IARS2: variants seen among roughly 807,000 people sequenced by gnomAD.
IARS2 encodes isoleucyl-tRNA synthetase 2, mitochondrial, also known as isoleucine--tRNA ligase, mitochondrial.
Under a neutral mutation model 126.3 loss-of-function variants are expected in IARS2, and 56 were observed. That is an observed-to-expected ratio of 0.44 (90% confidence interval 0.36 to 0.55). IARS2 has a LOEUF of 0.55. IARS2 is among the 20% of genes least tolerant of loss of function. The pLI is 0.00. For missense variants in IARS2, 1,127 were observed against 1,245.9 expected, an observed-to-expected ratio of 0.90 and a Z score of 1.44; for synonymous variants, 407 against 441.1, an observed-to-expected ratio of 0.92 and a Z score of 0.97.
At chr1:220,140,440 A>G (rs527712063) in intron 19 of IARS2, 151 bp downstream of exon 19, 3 of 578,300 alleles carry the variant, frequency 5.2e-6, no homozygotes, top group South Asian at 4.2e-5. Context: ...TTAGCCGGGC[A>G]TGGTGGCACA....
chr1:220,145,700 A>C, intron 22 of IARS2, 47 bp downstream of exon 22: 2 of 1,503,514 alleles, frequency 1.3e-6, no homozygotes, highest in Non-Finnish European at 1.8e-6. Context: ...GAATTGAATA[A>C]TTATAGGTCA....
rs759848681 is a variant in IARS2, at chr1:220,140,234, C to A, written c.2359C>A (p.Arg787=). The part of the protein sequence containing the change: ...YDFGKVVRLL[R]TFYTRELSNF... ...TTTTGGAAAAGTTGTTCGGCTGTTA[C>A]GGACGTTTTATACCAGAGAGCTCTC... is the stretch of plus-strand genomic sequence containing the variant. Residue 787 remains arginine (R), a synonymous_variant, in exon 19 of 23, where the codon CGG becomes AGG. Coordinates refer to ENST00000366922, the MANE Select transcript of IARS2 (RefSeq NM_018060.4). The A allele has an allele frequency of 2.5e-6, 4 of 1,612,940 alleles. No individual in the cohort carries two copies. The East Asian group carries it at 8.9e-5, about 36-fold the overall frequency.
intron 2 of IARS2, among the ~76,000 whole-genome samples, chr1:220,100,058 C>T (rs535275641): frequency 3.2e-4 from 48 of 152,240 alleles, no homozygotes; most frequent in African/African-American, 1.1e-3. Context: ...CTCCATTCAA[C>T]TATAGTAATA....
intron 7 of IARS2, among the ~76,000 whole-genome samples, chr1:220,103,065 G>A (rs567027071): frequency 6.6e-6 from 1 of 151,282 alleles, no homozygotes; most frequent in Non-Finnish European, 1.5e-5. Context: ...TGGAGACCGA[G>A]TTTTGCCTTT....
chr1:220,141,859 T>C lies in IARS2; in HGVS notation c.2471T>C (p.Val824Ala). The change falls in exon 20 of 23, where the codon GTT (valine) becomes GCT (alanine). Residue 824 changes from valine (V) to alanine (A), a missense_variant. Transcript: ENST00000366922. The part of the protein sequence containing the change: ...PKRRSCQTAL[V>A]EILDVIVRSF... ...CGACGCTCTTGTCAGACTGCATTAG[T>C]TGAAATTTTGGATGTAATAGTTCGT... 6.2e-7 allele frequency: 1 copy of C among 1,614,176 alleles called. No homozygotes were observed. Among genetic ancestry groups the C allele is most frequent in the Non-Finnish European group, 8.5e-7 (1 of 1,180,022 alleles).
intron 14 of IARS2, among the ~76,000 whole-genome samples, chr1:220,129,074 G>T (rs1657210049): frequency 6.6e-6 from 1 of 151,858 alleles, no homozygotes; most frequent in Non-Finnish European, 1.5e-5. Flanking sequence ...GTAGAGAAGG[G>T]GTTTCACCGT....
intron 8 of IARS2, among the ~76,000 whole-genome samples, chr1:220,103,897 G>A (rs1053718559): frequency 2.0e-5 from 3 of 152,026 alleles, no homozygotes; most frequent in African/African-American, 7.2e-5. Flanking sequence ...CTTATTTTTC[G>A]ATACATAATT....
At chr1:220,110,650 C>T in intron 10 of IARS2, 136 bp from the exon 11 acceptor site, 1 of 661,220 alleles carries the variant, frequency 1.5e-6, no homozygotes, top group Non-Finnish European at 2.6e-6. Context: ...AGGTGTGAGC[C>T]ACTGTGGCTG....
intron 21 of IARS2, among the ~76,000 whole-genome samples, chr1:220,143,602 A>G (rs921240950): frequency 2.0e-5 from 3 of 152,210 alleles, no homozygotes; most frequent in Admixed American, 1.3e-4. Flanking sequence ...CTTTGAATGT[A>G]TAAAAAATGG....
Position 220,114,483 on chromosome 1 carries a change from C to G in IARS2, c.1640+9C>G. 1 of 1,585,888 alleles carries G rather than the reference C, an allele frequency of 6.3e-7. No homozygotes were observed. Among genetic ancestry groups the G allele is most frequent in the Non-Finnish European group, 8.5e-7 (1 of 1,170,506 alleles). ...GAATACTTGATCAACAGGTAGAATG[C>G]TTTCTAAAATTTTTTAGTGTTTTAA... On this transcript the variant is annotated intron_variant, in intron 12 of 22. Transcript: ENST00000366922.
At chr1:220,117,817 T>C (rs1558124913) in intron 12 of IARS2, 1 of 508,758 alleles carries the variant, frequency 2.0e-6, no homozygotes, top group Non-Finnish European at 4.1e-6. Flanking sequence ...GTACCTGCCA[T>C]TGCGTTGGTT....
intron 16 of IARS2, 70 bp from the exon 17 acceptor site, chr1:220,137,848 C>T: frequency 6.4e-7 from 1 of 1,560,022 alleles, no homozygotes. Flanking sequence ...AGGAGCTTTA[C>T]CTAAAACATT....
intron 2 of IARS2, among the ~76,000 whole-genome samples, chr1:220,099,211 C>CAAAAA (rs1184799314): frequency 2.0e-5 from 1 of 49,212 alleles, no homozygotes; most frequent in Non-Finnish European, 4.3e-5. Flanking sequence ...GACTCCGTCT[C>CAAAAA]AAAAAAAAAA....
At chr1:220,139,393 C>G (rs1305653440) in intron 18 of IARS2, among the ~76,000 whole-genome samples, 5 of 152,114 alleles carry the variant, frequency 3.3e-5, no homozygotes, top group Admixed American at 2.0e-4. Context: ...ACAGAAATAA[C>G]CAAAATGGAC....
intron 14 of IARS2, among the ~76,000 whole-genome samples, chr1:220,129,489 C>T (rs1657217680): frequency 6.6e-6 from 1 of 152,112 alleles, no homozygotes; most frequent in Non-Finnish European, 1.5e-5. Flanking sequence ...TCCTCATTGA[C>T]CAAACTCTCT....
In IARS2 at chr1:220,145,599, G is replaced by C; in HGVS notation, c.2842G>C (p.Glu948Gln). The C allele has an allele frequency of 1.2e-6, 2 of 1,613,802 alleles. No homozygotes were observed. The highest frequency in any genetic ancestry group is 1.7e-6 in the Non-Finnish European group (2 of 1,179,812). ...ESTLLAQEPR[E>Q]MTADVIELKG... Reference sequence around the variant, plus strand: ...AACTTTACTGGCTCAGGAACCACGAGAGATGACTGCAGATGTAATCGAGCT... The same window carrying C: ...AACTTTACTGGCTCAGGAACCACGACAGATGACTGCAGATGTAATCGAGCT... Residue 948 changes from glutamate (E) to glutamine (Q), a missense_variant, in exon 22 of 23, where the codon GAG (glutamate) becomes CAG (glutamine). Physicochemically the swap from Glu to Gln is conservative, Grantham distance 29. Transcript: ENST00000366922.
intron 12 of IARS2, among the ~76,000 whole-genome samples, chr1:220,119,435 A>AAC (rs1197501095): frequency 6.6e-6 from 1 of 152,122 alleles, no homozygotes; most frequent in Non-Finnish European, 1.5e-5. Context: ...AGTTTGTGTT[A>AAC]AGTATACAAT....
At chr1:220,128,172 C>T (rs541063988) in intron 14 of IARS2, among the ~76,000 whole-genome samples, 1 of 137,006 alleles carries the variant, frequency 7.3e-6, no homozygotes, top group South Asian at 2.3e-4. Context: ...AAGGGAGGGC[C>T]GACTTTTCAT....
chr1:220,145,614 G>A lies in IARS2; in HGVS notation c.2857G>A (p.Val953Ile). The A allele has an allele frequency of 3.1e-6, 5 of 1,613,752 alleles. No individual in the cohort carries two copies. Among genetic ancestry groups the A allele is most frequent in the Middle Eastern group, 1.6e-4 (1 of 6,062 alleles). Reference sequence around the variant, plus strand: ...GGAACCACGAGAGATGACTGCAGATGTAATCGAGCTTAAAGGGAAATTCCT... The same window carrying A: ...GGAACCACGAGAGATGACTGCAGATATAATCGAGCTTAAAGGGAAATTCCT... ...AQEPREMTAD[V>I]IELKGKFLIN... Residue 953 changes from valine (V) to isoleucine (I), a missense_variant, in exon 22 of 23, where the codon GTA becomes ATA. Val to Ile is a conservative substitution (Grantham distance 29). Coordinates refer to ENST00000366922, the MANE Select transcript of IARS2 (RefSeq NM_018060.4).
Sources: gnomAD v4.1 joint callset for allele counts (sites outside exome capture counted in the v4.1 genomes callset) on GRCh38, gnomAD v4.1.1 for gene constraint, MANE v1.5 for transcripts, NCBI Gene and HGNC (gene_info 2026-07-23, HGNC 2026-07-21) for gene names.